Variants in CSMD1 observed in about 807,000 individuals in gnomAD.
CSMD1 encodes CUB and sushi domain-containing protein 1.
A neutral mutation model predicts 417.5 loss-of-function variants in CSMD1; 213 were observed. The observed-to-expected ratio is 0.51, with a 90% CI of 0.46 to 0.57. The LOEUF is 0.57. Among genes scored for constraint, CSMD1 ranks in the 20% least tolerant of loss-of-function variants. The probability of loss-of-function intolerance (pLI) is 0.00; values close to 1 mark genes in which losing one functional copy is unlikely to be tolerated. For missense variants in CSMD1, 6,923 were observed against 4,529.7 expected, an observed-to-expected ratio of 1.53 and a Z score of -15.17; for synonymous variants, 2,862 against 1,736.8, an observed-to-expected ratio of 1.65 and a Z score of -16.11.
chr8:4,379,918 A>T (rs763415627), intron 3 of CSMD1, among the ~76,000 whole-genome samples: 1 of 152,222 alleles, frequency 6.6e-6, no homozygotes, highest in African/African-American at 2.4e-5. Flanking sequence ...CGTGAACTCC[A>T]TGAGCGCGGC....
At chr8:4,082,253 A>G (rs1238860094) in intron 3 of CSMD1, among the ~76,000 whole-genome samples, 1 of 152,190 alleles carries the variant, frequency 6.6e-6, no homozygotes, top group Admixed American at 6.5e-5. Flanking sequence ...CTAGAAAATT[A>G]CAACCTATTA....
In CSMD1 at chr8:4,442,889, G is replaced by T. The variant is rs374392492; in HGVS notation, c.303-22824C>A. On this transcript the variant is annotated intron_variant, in intron 2 of 69. Coordinates refer to ENST00000635120, the MANE Select transcript of CSMD1 (RefSeq NM_033225.6). Reference sequence around the variant, plus strand: ...AAATTAATGAGATTGCTTGTTTACAGTGAACAGATGTTTATGTTTATATAA... The same window carrying T: ...AAATTAATGAGATTGCTTGTTTACATTGAACAGATGTTTATGTTTATATAA... Among the ~76,000 whole-genome samples the T allele has an allele frequency of 2.1e-3, 322 of 152,212 alleles. 2 individuals carry two copies. Among genetic ancestry groups the T allele is most frequent in the African/African-American group, 7.3e-3 (305 of 41,536 alleles).
chr8:3,015,890 G>A (rs571801418), intron 52 of CSMD1, among the ~76,000 whole-genome samples: 1 of 152,284 alleles, frequency 6.6e-6, no homozygotes, highest in Admixed American at 6.5e-5. Context: ...CAATTAGCCA[G>A]GCAGAACTAA....
intron 3 of CSMD1, among the ~76,000 whole-genome samples, chr8:4,387,583 AAAAAAAAAAG>A (rs1194703914): frequency 2.0e-5 from 3 of 148,714 alleles, no homozygotes; most frequent in Admixed American, 6.7e-5. Flanking sequence ...AAAAAAAAAA[AAAAAAAAAAG>A]AGTTGAATGT....
chr8:3,962,453 G>T (rs969054777), intron 5 of CSMD1, among the ~76,000 whole-genome samples: 1 of 152,178 alleles, frequency 6.6e-6, no homozygotes, highest in Admixed American at 6.5e-5. Flanking sequence ...GTGAGAGGGA[G>T]CATGGATCTC....
intron 3 of CSMD1, among the ~76,000 whole-genome samples, chr8:4,390,465 T>C (rs192854105): frequency 9.8e-4 from 140 of 142,876 alleles, no homozygotes; most frequent in Non-Finnish European, 1.9e-3. Context: ...ACCAACATAG[T>C]TAAGAAAACT....
intron 1 of CSMD1, among the ~76,000 whole-genome samples, chr8:4,865,689 C>T (rs1394073102): frequency 1.3e-5 from 2 of 151,770 alleles, no homozygotes; most frequent in Non-Finnish European, 2.9e-5. Flanking sequence ...AGGGGTACTT[C>T]CATCAATCAG....
chr8:4,817,392 A>T (rs1799269181), intron 1 of CSMD1, among the ~76,000 whole-genome samples: 1 of 152,236 alleles, frequency 6.6e-6, no homozygotes, highest in Non-Finnish European at 1.5e-5. Context: ...CCTGCTTGGC[A>T]ACCTACGTCA....
At chr8:3,993,147 A>T (rs1183003045) in intron 5 of CSMD1, among the ~76,000 whole-genome samples, 1 of 152,240 alleles carries the variant, frequency 6.6e-6, no homozygotes, top group Admixed American at 6.5e-5. Flanking sequence ...TAATTACACT[A>T]TGGTTATGTA....
intron 1 of CSMD1, among the ~76,000 whole-genome samples, chr8:4,775,664 T>G (rs1341283392): frequency 6.6e-6 from 1 of 152,176 alleles, no homozygotes; most frequent in Non-Finnish European, 1.5e-5. Context: ...CATCTTATGC[T>G]GTTTAAGAGG....
chr8:2,941,842 G>C (rs1209925771), intron 69 of CSMD1, among the ~76,000 whole-genome samples: 1 of 152,158 alleles, frequency 6.6e-6, no homozygotes, highest in Non-Finnish European at 1.5e-5. Context: ...AGAACATTCT[G>C]TTCACCCTTT....
rs892162929 is a variant in CSMD1 at position 2,937,709 on chromosome 8, A to G, written c.*876T>C. The G allele has an allele frequency of 2.0e-5, 3 of 152,374 alleles. No homozygotes were observed. Among genetic ancestry groups the G allele is most frequent in the Admixed American group, 6.5e-5 (1 of 15,274 alleles). 9.4% of individuals were successfully genotyped at this position (152,374 alleles called of 1,614,324 possible). On this transcript the variant is annotated 3_prime_UTR_variant, in exon 70 of 70. Coordinates refer to ENST00000635120, the MANE Select transcript of CSMD1 (RefSeq NM_033225.6). ...ATGAATTCAACACGTAAATGGAGCT[A>G]ATTGAAGCAATAATAAAATAAATCT...
At chr8:3,908,733 T>C (rs1185241457) in intron 5 of CSMD1, among the ~76,000 whole-genome samples, 2 of 152,184 alleles carry the variant, frequency 1.3e-5, no homozygotes, top group Non-Finnish European at 2.9e-5. Flanking sequence ...TCAAAGATAT[T>C]ATTAATATAC....
chr8:3,369,463 G>A (rs1358643945), intron 18 of CSMD1, 93 bp from the exon 19 acceptor site: 2 of 656,942 alleles, frequency 3.0e-6, no homozygotes, highest in Admixed American at 2.8e-5. Context: ...ATTTGCACAA[G>A]GATTAACAAA....
At position 4,318,157 on chromosome 8, in the gene CSMD1, C is replaced by T. The variant is rs1452639909; in HGVS notation, c.415+101796G>A. Reference sequence around the variant, plus strand: ...ATTGTTATTTATGAAATAATATGAACATTCTAATATTGTTACTATCCTTCT... The same window carrying T: ...ATTGTTATTTATGAAATAATATGAATATTCTAATATTGTTACTATCCTTCT... On this transcript the variant is annotated intron_variant, in intron 3 of 69. Transcript: ENST00000635120. Among the ~76,000 whole-genome samples the T allele has an allele frequency of 2.0e-5, 3 of 152,010 alleles. No individual in the cohort carries two copies. The East Asian group carries it at 5.8e-4, about 29-fold the overall frequency.
At chr8:4,752,579 T>C (rs546412892) in intron 1 of CSMD1, among the ~76,000 whole-genome samples, 11 of 152,232 alleles carry the variant, frequency 7.2e-5, no homozygotes, top group African/African-American at 2.6e-4. Flanking sequence ...ACGAAGTGAA[T>C]TAAATGCATG....
intron 5 of CSMD1, among the ~76,000 whole-genome samples, chr8:3,815,229 G>A (rs1256858401): frequency 6.6e-6 from 1 of 152,130 alleles, no homozygotes; most frequent in Non-Finnish European, 1.5e-5. Flanking sequence ...TGGGAACATA[G>A]AGTACCCATA....
chr8:3,981,957 T>A, intron 5 of CSMD1, among the ~76,000 whole-genome samples: 1 of 151,700 alleles, frequency 6.6e-6, no homozygotes, highest in African/African-American at 2.4e-5. Flanking sequence ...GGATCACAAG[T>A]TCAGGAGATT....
intron 2 of CSMD1, among the ~76,000 whole-genome samples, chr8:4,562,631 T>A (rs903638767): frequency 2.0e-5 from 3 of 152,066 alleles, no homozygotes; most frequent in African/African-American, 7.2e-5. Flanking sequence ...TTAGGACACA[T>A]CAGAAATGTC....
Sources: allele counts gnomAD v4.1 joint callset (sites outside exome capture counted in the v4.1 genomes callset), GRCh38; gene constraint gnomAD v4.1.1; transcripts MANE v1.5; gene names NCBI Gene and HGNC (gene_info 2026-07-23, HGNC 2026-07-21).